The following COG3 variants were observed in gnomAD, a reference collection of about 807,000 sequenced individuals.
The protein encoded by COG3 is conserved oligomeric Golgi complex subunit 3.
A neutral mutation model predicts 114.1 loss-of-function variants in COG3; 32 were observed. The ratio of observed to expected loss-of-function variants is 0.28; its 90% CI spans 0.21 to 0.38. COG3 has a LOEUF of 0.38. Among genes scored for constraint, COG3 ranks in the 10% least tolerant of loss-of-function variants. The probability of loss-of-function intolerance (pLI) is 1.00; values close to 1 mark genes in which losing one functional copy is unlikely to be tolerated. For missense variants in COG3, 813 were observed against 973.2 expected, an observed-to-expected ratio of 0.84 and a Z score of 2.19; for synonymous variants, 352 against 365.7, an observed-to-expected ratio of 0.96 and a Z score of 0.43.
intron 14 of COG3, among the ~76,000 whole-genome samples, chr13:45,508,702 G>A (rs1185055947): frequency 6.6e-6 from 1 of 152,028 alleles, no homozygotes; most frequent in Non-Finnish European, 1.5e-5. Flanking sequence ...ACTTTTCATG[G>A]TTCATTTGAA....
At chr13:45,469,695 T>G (rs1206120934) in intron 1 of COG3, among the ~76,000 whole-genome samples, 1 of 152,148 alleles carries the variant, frequency 6.6e-6, no homozygotes, top group Admixed American at 6.5e-5. Context: ...AAGCAGTAAA[T>G]ATTTTTTTTT....
chr13:45,476,141 GAGTTA>G (rs1885847483), intron 1 of COG3, 55 bp from the exon 2 acceptor site: 4 of 1,522,650 alleles, frequency 2.6e-6, no homozygotes, highest in Non-Finnish European at 3.6e-6. Context: ...ACCCAATCTT[GAGTTA>G]AGTTCAGAGA....
rs371867867 is a variant in COG3 at position 45,531,225 on chromosome 13, C to T, written c.2457+445C>T. On this transcript the variant is annotated intron_variant, in intron 22 of 22. Coordinates refer to ENST00000349995, the MANE Select transcript of COG3 (RefSeq NM_031431.4). ...GTGATTTGCAAGATTTTGGTGCACC[C>T]ATCACCCGAGCAGTATACACTGCAC... is the stretch of plus-strand genomic sequence containing the variant. 38 of 209,900 alleles carry T rather than the reference C, an allele frequency of 1.8e-4. 1 individual carries two copies. In the South Asian group the frequency reaches 5.4e-3, roughly 30 times the overall value. 13.0% of individuals were successfully genotyped at this position (209,900 alleles called of 1,614,324 possible).
chr13:45,491,664 T>C, intron 10 of COG3, 126 bp downstream of exon 10: 1 of 874,106 alleles, frequency 1.1e-6, no homozygotes, highest in Non-Finnish European at 1.7e-6. Context: ...TGTTTTTCAT[T>C]ATGACAAATC....
intron 7 of COG3, among the ~76,000 whole-genome samples, chr13:45,483,584 C>T (rs2985954): frequency 0.2 from 30,199 of 152,062 alleles, 3,503 homozygotes; most frequent in Middle Eastern, 0.34. Flanking sequence ...GAGAAGTATT[C>T]AGTACTATAT....
chr13:45,497,784 TCAACAACAA>T (rs1242517110), intron 13 of COG3, among the ~76,000 whole-genome samples: 4 of 147,138 alleles, frequency 2.7e-5, no homozygotes, highest in African/African-American at 5.1e-5. Context: ...AGACCCTGTC[TCAACAACAA>T]CAACAACAAC....
intron 4 of COG3, among the ~76,000 whole-genome samples, chr13:45,480,651 G>A (rs1886195020): frequency 6.6e-6 from 1 of 151,856 alleles, no homozygotes; most frequent in Non-Finnish European, 1.5e-5. Flanking sequence ...TTGCAACCTC[G>A]GCCTCCTGGG....
intron 13 of COG3, among the ~76,000 whole-genome samples, chr13:45,498,121 A>T (rs529541021): frequency 6.6e-6 from 1 of 152,268 alleles, no homozygotes; most frequent in Non-Finnish European, 1.5e-5. Flanking sequence ...CCAGTTGTTA[A>T]TATTTCATCC....
chr13:45,485,412 A>AC (rs1221812598), intron 7 of COG3, among the ~76,000 whole-genome samples: 1 of 224 alleles, frequency 4.5e-3, no homozygotes, highest in African/African-American at 0.031. Flanking sequence ...GGGGGGGCTG[A>AC]CCCCCCCCAC....
At chr13:45,522,104 CTTAG>C (rs1872224886) in intron 19 of COG3, among the ~76,000 whole-genome samples, 1 of 152,128 alleles carries the variant, frequency 6.6e-6, no homozygotes, top group Non-Finnish European at 1.5e-5. Context: ...TGTGCCTGGC[CTTAG>C]TTAGCATTTT....
At chr13:45,493,202 T>G (rs1887122339) in intron 11 of COG3, 145 bp from the exon 12 acceptor site, 3 of 597,266 alleles carry the variant, frequency 5.0e-6, no homozygotes, top group Non-Finnish European at 5.6e-6. Context: ...GCTTTTCCCT[T>G]ATCATTCTAT....
At chr13:45,512,050 A>T (rs143043539) in intron 16 of COG3, 196 bp downstream of exon 16, 3 of 494,854 alleles carry the variant, frequency 6.1e-6, no homozygotes, top group Admixed American at 6.9e-5. Flanking sequence ...AGAGAGTCCA[A>T]CTTTGCTAAA....
In COG3 at chr13:45,511,862, G is replaced by T. The variant is rs777125513; in HGVS notation, c.1809+8G>T. 1.9e-6 allele frequency: 3 copies of T among 1,599,488 alleles called. No individual in the cohort carries two copies. Among genetic ancestry groups the T allele is most frequent in the Non-Finnish European group, 1.7e-6 (2 of 1,166,886 alleles). The stretch of plus-strand genomic sequence containing the variant: ...TCTATCAGCAAAAACAAGGTTTGAT[G>T]AAGTGTTAGGTGAAATCCTGTTTCC... On this transcript the variant is annotated splice_region_variant and intron_variant, in intron 16 of 22. Transcript: ENST00000349995.
chr13:45,499,004 C>T (rs995042671), intron 13 of COG3, among the ~76,000 whole-genome samples: 8 of 151,940 alleles, frequency 5.3e-5, no homozygotes, highest in Non-Finnish European at 7.4e-5. Context: ...ACCCTTGGTT[C>T]CTTAAGGGGA....
chr13:45,536,602 A>T lies in COG3; in HGVS notation c.*1871A>T, dbSNP rs1222020231. On this transcript the variant is annotated 3_prime_UTR_variant, in exon 23 of 23. Transcript: ENST00000349995. ...TGTTTTTAATAAATGTGAATTTTTT[A>T]AAAATAAAGATTTTTGCTTCCTACC... The T allele has an allele frequency of 1.3e-5, 2 of 152,242 alleles. No homozygotes were observed. The highest frequency in any genetic ancestry group is 2.9e-5 in the Non-Finnish European group (2 of 68,042). 9.4% of individuals were successfully genotyped at this position (152,242 alleles called of 1,614,324 possible).
At position 45,535,527 on chromosome 13, in the gene COG3, G is replaced by A. The variant is rs913400610; in HGVS notation, c.*796G>A. On this transcript the variant is annotated 3_prime_UTR_variant, in exon 23 of 23. Transcript: ENST00000349995. The stretch of plus-strand genomic sequence containing the variant: ...TGTCTTAAATTTGGCGCATAGAGGA[G>A]AGAAGGAAACCTGAGGAGTAGTGTT... 2.8e-5 allele frequency: 28 copies of A among 985,498 alleles called. No individual in the cohort carries two copies. The African/African-American group carries it at 4.7e-4, about 17-fold the overall frequency. The allele number at this position is 985,498 out of a possible 1,614,324, so 61.0% of individuals were successfully genotyped here.
Position 45,518,762 on chromosome 13 carries a change from A to G in COG3, c.1931A>G (p.Asp644Gly). 6.2e-7 allele frequency: 1 copy of G among 1,610,832 alleles called. No individual in the cohort carries two copies. Among genetic ancestry groups the G allele is most frequent in the Non-Finnish European group, 8.5e-7 (1 of 1,178,204 alleles). Residue 644 changes from aspartate to glycine, a missense_variant and splice_region_variant, in exon 18 of 23, where the codon GAT (aspartate) becomes GGT (glycine). By Grantham distance (94) the Asp-to-Gly change is moderately conservative. Around this residue, in one of 2 missense-constraint regions of COG3, gnomAD observed 389 missense variants for 542.6 expected, o/e 0.72. Coordinates refer to ENST00000349995, the MANE Select transcript of COG3 (RefSeq NM_031431.4). ...EISLDLKKTR[D>G]AAFKILNPMT... is the part of the protein sequence containing the mutation. ...CTGGATGAGTAATTTTGTTTCACAG[A>G]TGCAGCATTTAAAATCCTGAACCCT...
At position 45,487,627 on chromosome 13, in the gene COG3, A is replaced by G. The variant is rs547554713; in HGVS notation, c.924+1052A>G. Reference sequence around the variant, plus strand: ...GACTATACAGATGGCCAGCAGGTATATGAAAAAATGTTCAACATCACTAAT... The same window carrying G: ...GACTATACAGATGGCCAGCAGGTATGTGAAAAAATGTTCAACATCACTAAT... On this transcript the variant is annotated intron_variant, in intron 8 of 22. Coordinates refer to ENST00000349995, the MANE Select transcript of COG3 (RefSeq NM_031431.4). 7.2e-5 allele frequency among the ~76,000 whole-genome samples: 11 copies of G among 152,364 alleles called. 1 individual carries two copies. The South Asian group carries it at 2.3e-3, about 32-fold the overall frequency.
chr13:45,498,354 G>GTT (rs1869073694), intron 13 of COG3, among the ~76,000 whole-genome samples: 3 of 115,486 alleles, frequency 2.6e-5, no homozygotes, highest in Admixed American at 9.8e-5. Flanking sequence ...TCCTTCAGAT[G>GTT]TCTTTTTTTT....
Sources: allele counts gnomAD v4.1 joint callset (sites outside exome capture counted in the v4.1 genomes callset), GRCh38; gene constraint gnomAD v4.1.1; regional missense constraint gnomAD v4.1.1; transcripts MANE v1.5; gene names NCBI Gene and HGNC (gene_info 2026-07-23, HGNC 2026-07-21).